COL16A1: variants seen among roughly 807,000 people sequenced by gnomAD.
COL16A1 encodes the protein collagen alpha-1(XVI) chain.
COL16A1 carries 189 observed loss-of-function variants against 266.3 expected under a neutral mutation model. That is an observed-to-expected ratio of 0.71 (90% CI 0.63 to 0.80). The LOEUF is 0.80. Among genes scored for constraint, COL16A1 ranks in the 30% least tolerant of loss-of-function variants. The pLI is 0.00. For missense variants in COL16A1, 1,928 were observed against 2,122.4 expected (o/e 0.91, Z 1.80); for synonymous variants, 740 against 782.3 (o/e 0.95, Z 0.90).
chr1:31,671,426 G>C (rs886441276), intron 48 of COL16A1, among the ~76,000 whole-genome samples, 189 bp downstream of exon 48: 1 of 152,164 alleles, frequency 6.6e-6, no homozygotes, highest in East Asian at 1.9e-4. Flanking sequence ...AGAGCAGGGC[G>C]GTTCCAGGGC....
chr1:31,688,526 C>T lies in COL16A1; in HGVS notation c.1768-24G>A. 6.2e-7 allele frequency: 1 copy of T among 1,614,148 alleles called. No homozygotes were observed. Among genetic ancestry groups the T allele is most frequent in the Non-Finnish European group, 8.5e-7 (1 of 1,180,028 alleles). Reference sequence around the variant, plus strand: ...CCCTGAAAAACAACCAAGACAGAGTCTCAGCATCTCCCCACTCCCACCTCT... The same window carrying T: ...CCCTGAAAAACAACCAAGACAGAGTTTCAGCATCTCCCCACTCCCACCTCT... On this transcript the variant is annotated intron_variant, in intron 25 of 70. Coordinates refer to ENST00000373672, the MANE Select transcript of COL16A1 (RefSeq NM_001856.4). The surrounding 1 kb of genome is among the most constrained non-coding windows in gnomAD (Gnocchi z 4.9).
chr1:31,682,676 G>A (rs1643730121), intron 37 of COL16A1, among the ~76,000 whole-genome samples: 1 of 152,230 alleles, frequency 6.6e-6, no homozygotes. Context: ...ATGTGAGGAT[G>A]ACATGAATTT....
chr1:31,684,210 G>A lies in COL16A1; in HGVS notation c.2182C>T (p.Pro728Ser). ...TCTGTCACTGTCCCCTGCAGGCTGGGGCAGGCAGTGCAGCCATCACCCTGG... is the reference window on the plus strand; with the variant it reads ...TCTGTCACTGTCCCCTGCAGGCTGGAGCAGGCAGTGCAGCCATCACCCTGG... ...GEKGDGCTAC[P>S]SLQGTVTDMA... is the part of the protein sequence containing the mutation. The change falls in exon 32 of 71, where the codon CCC becomes TCC. Residue 728 changes from proline to serine, a missense_variant. Around this residue, in one of 2 missense-constraint regions of COL16A1, gnomAD observed 1,552 missense variants for 1,637.2 expected, o/e 0.95. Transcript: ENST00000373672. 1.3e-6 allele frequency: 2 copies of A among 1,514,754 alleles called. No homozygotes were observed. The highest frequency in any genetic ancestry group is 1.8e-6 in the Non-Finnish European group (2 of 1,128,734). The allele number at this position is 1,514,754 out of a possible 1,614,324, so 93.8% of individuals were successfully genotyped here. A position where few individuals can be genotyped will look rare whatever the true frequency, so the allele number is the denominator to read the frequency against.
intron 68 of COL16A1, 123 bp downstream of exon 68, chr1:31,654,669 G>T: frequency 6.4e-7 from 1 of 1,559,048 alleles, no homozygotes; most frequent in Non-Finnish European, 8.7e-7. Context: ...CCAGGCCTGT[G>T]AGTGTGTGGA....
At chr1:31,700,222 G>A (rs951555188) in intron 2 of COL16A1, 107 bp from the exon 3 acceptor site, 1 of 1,016,088 alleles carries the variant, frequency 9.8e-7, no homozygotes. Flanking sequence ...TCCTCACTCT[G>A]GACCATCAGC....
rs749719318 is a variant in COL16A1 at position 31,680,059 on chromosome 1, T to C, written c.2653A>G (p.Ile885Val). Residue 885 changes from isoleucine to valine, a missense_variant, in exon 40 of 71, where the codon ATC becomes GTC. Transcript: ENST00000373672. ...CCACTTACCGGCATGCCAGAGAAGA[T>C]GAGGTCTCCTTGAGAGGGGCAGGAG... ...ECSCPSQGDLIFSGMPGAPGL... is the reference protein window; with the variant it reads ...ECSCPSQGDLVFSGMPGAPGL... The C allele has an allele frequency of 5.6e-5, 90 of 1,613,846 alleles. No homozygotes were observed. The highest frequency in any genetic ancestry group is 6.5e-5 in the Non-Finnish European group (77 of 1,179,952).
Position 31,695,194 on chromosome 1 carries a change from C to T in COL16A1, c.973G>A (p.Asp325Asn), listed in dbSNP as rs993282961. The T allele has an allele frequency of 4.3e-6, 7 of 1,613,920 alleles. No homozygotes were observed. The highest frequency in any genetic ancestry group is 5.9e-6 in the Non-Finnish European group (7 of 1,179,976). ...ACCCTCCATTCACTCACATTGCTGTCCCGGGCACCATGGACACAGGGCGGA... is the reference window on the plus strand; with the variant it reads ...ACCCTCCATTCACTCACATTGCTGTTCCGGGCACCATGGACACAGGGCGGA... ...ECPPCVHGAR[D>N]SNVTLAPSGP... Residue 325 changes from aspartate to asparagine, a missense_variant, in exon 11 of 71, where the codon GAC becomes AAC. Physicochemically the swap from Asp to Asn is conservative, Grantham distance 23 (BLOSUM62 1). Transcript: ENST00000373672.
intron 42 of COL16A1, among the ~76,000 whole-genome samples, chr1:31,675,713 G>A (rs1278370793): frequency 6.6e-6 from 1 of 151,790 alleles, no homozygotes; most frequent in Non-Finnish European, 1.5e-5. Flanking sequence ...ACCCAGGCTG[G>A]AGTGCAATGG....
At chr1:31,665,804 G>C in intron 54 of COL16A1, 78 bp downstream of exon 54, 1 of 1,609,092 alleles carries the variant, frequency 6.2e-7, no homozygotes, top group Non-Finnish European at 8.5e-7. Flanking sequence ...AGGTAGGGTG[G>C]GGAGACTAGA....
At position 31,663,107 on chromosome 1, in the gene COL16A1, C is replaced by T. The variant is rs542973894; in HGVS notation, c.3556-449G>A. On this transcript the variant is annotated intron_variant, in intron 56 of 70. Coordinates refer to ENST00000373672, the MANE Select transcript of COL16A1 (RefSeq NM_001856.4). This position sits in a 1 kb window ranked among gnomAD's most constrained non-coding sequence, Gnocchi z 4.9. ...GCTGCACAGAGGCCTCAACAGCGCA[C>T]GCAGCACCATGTGGGCTCTGATTCC... 2.4e-4 allele frequency: 46 copies of T among 193,382 alleles called. No homozygotes were observed. The East Asian group carries it at 5.5e-3, about 23-fold the overall frequency. The allele number at this position is 193,382 out of a possible 1,614,324, so 12.0% of individuals were successfully genotyped here.
chr1:31,674,268 C>T (rs1179077245), intron 44 of COL16A1, among the ~76,000 whole-genome samples: 1 of 152,150 alleles, frequency 6.6e-6, no homozygotes, highest in African/African-American at 2.4e-5. Context: ...GGGAAAGACC[C>T]CTGAGGATGC....
chr1:31,655,257 C>T, intron 67 of COL16A1, 57 bp downstream of exon 67: 2 of 1,550,230 alleles, frequency 1.3e-6, no homozygotes, highest in Non-Finnish European at 1.7e-6. Flanking sequence ...ATCCGAGCTC[C>T]ACCCCACATG....
chr1:31,680,998 T>C (rs1227927555), intron 38 of COL16A1, 25 bp downstream of exon 38: 2 of 1,613,798 alleles, frequency 1.2e-6, no homozygotes, highest in East Asian at 2.2e-5. Context: ...CATGGCTTCC[T>C]GCTGCCCCAA....
intron 57 of COL16A1, 31 bp from the exon 58 acceptor site, chr1:31,662,418 C>T: frequency 6.2e-7 from 1 of 1,606,188 alleles, no homozygotes; most frequent in East Asian, 2.2e-5. Flanking sequence ...TTTCTACATG[C>T]TGGTGCGGGA....
intron 2 of COL16A1, among the ~76,000 whole-genome samples, chr1:31,701,802 T>C (rs1644733923): frequency 6.6e-6 from 1 of 152,100 alleles, no homozygotes; most frequent in South Asian, 2.1e-4. Flanking sequence ...CAGGATTGGC[T>C]TACGTATTGG....
Position 31,700,045 on chromosome 1 carries a change from C to T in COL16A1, c.144G>A (p.Val48=). Residue 48 remains valine, a synonymous_variant, in exon 3 of 71, where the codon GTG becomes GTA. Coordinates refer to ENST00000373672, the MANE Select transcript of COL16A1 (RefSeq NM_001856.4). ...ATGAGATGGTTGGGTGCTCACCAGT[C>T]ACGTTGGCTGGCAGGCTACTACTGT... ...LEHSSSLPAN[V]TGFNLIHRLS... 6.2e-7 allele frequency: 1 copy of T among 1,614,140 alleles called. No individual in the cohort carries two copies. Among genetic ancestry groups the T allele is most frequent in the Non-Finnish European group, 8.5e-7 (1 of 1,180,024 alleles).
rs1403455127 is a variant in COL16A1, at chr1:31,704,009, C to G, written c.-207G>C. Reference sequence around the variant, plus strand: ...CTGTCTGCTGCCCGGCGCACGCCTGCCGGGGACTGCCGGCCACTCCGGGTG... The same window carrying G: ...CTGTCTGCTGCCCGGCGCACGCCTGGCGGGGACTGCCGGCCACTCCGGGTG... On this transcript the variant is annotated 5_prime_UTR_variant, in exon 1 of 71. Coordinates refer to ENST00000373672, the MANE Select transcript of COL16A1 (RefSeq NM_001856.4). The G allele has an allele frequency of 6.6e-6, 1 of 152,440 alleles. No individual in the cohort carries two copies. Among genetic ancestry groups the G allele is most frequent in the Admixed American group, 6.5e-5 (1 of 15,296 alleles). 9.4% of individuals were successfully genotyped at this position (152,440 alleles called of 1,614,324 possible). A position where few individuals can be genotyped will look rare whatever the true frequency, so the allele number is the denominator to read the frequency against.
In COL16A1 at chr1:31,668,128, C is replaced by A; in HGVS notation, c.3303+37G>T. 6.3e-7 allele frequency: 1 copy of A among 1,583,490 alleles called. No individual in the cohort carries two copies. Among genetic ancestry groups the A allele is most frequent in the South Asian group, 1.1e-5 (1 of 89,320 alleles). ...GACCACCAGCCCAAACCTCTGGTAC[C>A]TGGCACCCACTCCCCAGCAAGGGTC... On this transcript the variant is annotated intron_variant, in intron 51 of 70. Coordinates refer to ENST00000373672, the MANE Select transcript of COL16A1 (RefSeq NM_001856.4). This position sits in a 1 kb window ranked among gnomAD's most constrained non-coding sequence, Gnocchi z 5.8.
intron 59 of COL16A1, 38 bp downstream of exon 59, chr1:31,661,622 C>A: frequency 1.9e-6 from 3 of 1,613,652 alleles, no homozygotes; most frequent in Non-Finnish European, 1.7e-6. Context: ...GAAGCTGCAA[C>A]TTCGCAGCTT....
Sources: gnomAD v4.1 joint callset for allele counts (sites outside exome capture counted in the v4.1 genomes callset) on GRCh38, gnomAD v4.1.1 for gene constraint, gnomAD v4.1.1 regional missense constraint, Gnocchi (gnomAD v3.1) non-coding constraint, MANE v1.5 for transcripts, NCBI Gene and HGNC (gene_info 2026-07-23, HGNC 2026-07-21) for gene names.